AP3B1: variants seen among roughly 807,000 people sequenced by gnomAD.
AP3B1 encodes the protein AP-3 complex subunit beta-1.
A neutral mutation model predicts 132.5 loss-of-function variants in AP3B1; 61 were observed. The observed-to-expected ratio is 0.46, with a 90% CI of 0.37 to 0.57. The LOEUF (loss-of-function observed/expected upper bound fraction) is 0.57, where lower values mean the gene tolerates loss of function less well. Ranked by LOEUF, AP3B1 falls within the 20% of genes least tolerant of loss-of-function variation. AP3B1 has a pLI of 0.00. For missense variants in AP3B1, 1,120 were observed against 1,289.4 expected, an observed-to-expected ratio of 0.87 and a Z score of 2.01; for synonymous variants, 388 against 438.3, an observed-to-expected ratio of 0.89 and a Z score of 1.43.
intron 20 of AP3B1, among the ~76,000 whole-genome samples, chr5:78,109,316 G>A (rs1751474860): frequency 6.6e-6 from 1 of 152,058 alleles, no homozygotes; most frequent in Non-Finnish European, 1.5e-5. Context: ...GGATGGGGGA[G>A]GGCAATTGTC....
intron 6 of AP3B1, among the ~76,000 whole-genome samples, chr5:78,219,355 A>G (rs1746086939): frequency 6.6e-6 from 1 of 152,152 alleles, no homozygotes; most frequent in Non-Finnish European, 1.5e-5. Flanking sequence ...ATTTTAAAGA[A>G]AAACAAGAGA....
rs553707865 is a variant in AP3B1, at chr5:78,161,230, G to A, written c.1363+1589C>T. Among the ~76,000 whole-genome samples, 4 of 151,704 alleles carry A rather than the reference G, an allele frequency of 2.6e-5. No individual in the cohort carries two copies. In the East Asian group the frequency reaches 7.7e-4, roughly 29 times the overall value. The stretch of plus-strand genomic sequence containing the variant: ...TATTTTTTGAGAAATTAAATCTGAA[G>A]CAGAAATAACTGCTTTAAAATCCAA... On this transcript the variant is annotated intron_variant, in intron 13 of 26. Coordinates refer to ENST00000255194, the MANE Select transcript of AP3B1 (RefSeq NM_003664.5).
At chr5:78,087,599 C>G in intron 22 of AP3B1, 1 of 985,298 alleles carries the variant, frequency 1.0e-6, no homozygotes, top group Non-Finnish European at 1.2e-6. Flanking sequence ...GTGTTGTGGT[C>G]CTGCTTCACT....
chr5:78,259,450 T>C (rs1042633495), intron 2 of AP3B1, among the ~76,000 whole-genome samples: 8 of 152,116 alleles, frequency 5.3e-5, no homozygotes, highest in Non-Finnish European at 7.4e-5. Flanking sequence ...AGACCTTCTA[T>C]TTGACAGGAA....
intron 22 of AP3B1, among the ~76,000 whole-genome samples, chr5:78,068,045 C>T (rs917478096): frequency 2.0e-5 from 3 of 151,906 alleles, no homozygotes; most frequent in South Asian, 4.2e-4. Flanking sequence ...AGAAAAGAGG[C>T]CTGGTGTGGT....
downstream of AP3B1, chr5:78,001,303 A>G (rs1746197298): frequency 6.6e-6 from 1 of 152,196 alleles, no homozygotes; most frequent in South Asian, 2.1e-4. Flanking sequence ...AAAGTTATGA[A>G]GCTCTGAGCA....
rs111890376 is a variant in AP3B1, at chr5:78,111,679, G to A, written c.2250-1325C>T. On this transcript the variant is annotated intron_variant, in intron 19 of 26. Transcript: ENST00000255194. ...ACCAAACACCCTTCTCTCAGGGGAT[G>A]ACAAATGCCTTGTGGTGCTTTATAT... Among the ~76,000 whole-genome samples the A allele has an allele frequency of 3.9e-3, 588 of 152,280 alleles. 2 individuals are homozygous for A. Among genetic ancestry groups the A allele is most frequent in the African/African-American group, 0.013 (557 of 41,558 alleles).
At position 78,034,416 on chromosome 5, in the gene AP3B1, C is replaced by G. The variant is rs1270601347; in HGVS notation, c.2839G>C (p.Val947Leu). ...DSLEPEGSIT[V>L]SMGIDFCDST... ...TCACAAAAGTCAATACCCATTGAAA[C>G]TGTAATGGATCCCTCAGGCTCAAGA... The change falls in exon 24 of 27, where the codon GTT becomes CTT. Residue 947 changes from valine to leucine, a missense_variant. This residue lies in a region of AP3B1 where 906 missense variants were observed against 997.1 expected (regional missense o/e 0.91). Transcript: ENST00000255194. 1 of 1,611,608 alleles carries G rather than the reference C, an allele frequency of 6.2e-7. No homozygotes were observed. Among genetic ancestry groups the G allele is most frequent in the Admixed American group, 1.7e-5 (1 of 59,976 alleles).
chr5:78,222,200 C>G (rs1037730045), intron 6 of AP3B1: 1 of 152,534 alleles, frequency 6.6e-6, no homozygotes, highest in East Asian at 1.9e-4. Flanking sequence ...CAGTCAGTCT[C>G]AGGGGATCCA....
At chr5:78,095,992 T>A (rs187338484) in intron 21 of AP3B1, among the ~76,000 whole-genome samples, 90 of 152,328 alleles carry the variant, frequency 5.9e-4, no homozygotes, top group Middle Eastern at 3.4e-3. Context: ...TTGATTTTTT[T>A]AAAAAGCTTG....
At chr5:78,198,407 C>T (rs954188851) in intron 7 of AP3B1, among the ~76,000 whole-genome samples, 3 of 152,098 alleles carry the variant, frequency 2.0e-5, no homozygotes, top group African/African-American at 4.8e-5. Flanking sequence ...CTGAAAAGTC[C>T]AAGATCAAGG....
chr5:78,120,271 G>T (rs1003042077), intron 17 of AP3B1, among the ~76,000 whole-genome samples: 4 of 152,218 alleles, frequency 2.6e-5, no homozygotes, highest in East Asian at 1.9e-4. Flanking sequence ...AGGCTAGGAA[G>T]AAACTGCATC....
At chr5:78,041,403 T>C (rs1748080427) in intron 22 of AP3B1, among the ~76,000 whole-genome samples, 1 of 151,382 alleles carries the variant, frequency 6.6e-6, no homozygotes, top group Non-Finnish European at 1.5e-5. Context: ...AGAGAAAATG[T>C]AAAAAATTAG....
chr5:78,212,189 C>T (rs990635485), intron 7 of AP3B1, among the ~76,000 whole-genome samples: 6 of 151,984 alleles, frequency 3.9e-5, no homozygotes, highest in East Asian at 1.9e-4. Flanking sequence ...TTGAGGCAGA[C>T]GAATCGCTTC....
intron 15 of AP3B1, among the ~76,000 whole-genome samples, chr5:78,139,288 A>G (rs527469235): frequency 6.6e-6 from 1 of 152,290 alleles, no homozygotes; most frequent in East Asian, 1.9e-4. Context: ...ACAGAAAAAA[A>G]TCCTAAGAGT....
intron 1 of AP3B1, among the ~76,000 whole-genome samples, chr5:78,285,949 G>C (rs1749262404): frequency 6.6e-6 from 1 of 152,058 alleles, no homozygotes; most frequent in Non-Finnish European, 1.5e-5. Flanking sequence ...TCCACTCCTA[G>C]TTCAAGAGGC....
At chr5:78,009,720 C>T (rs1406327116) in intron 26 of AP3B1, among the ~76,000 whole-genome samples, 1 of 105,228 alleles carries the variant, frequency 9.5e-6, no homozygotes, top group Non-Finnish European at 1.7e-5. Flanking sequence ...TAAAAGCTTG[C>T]AAATTTAAAA....
chr5:78,038,735 G>A (rs1747913597), intron 23 of AP3B1, among the ~76,000 whole-genome samples: 1 of 152,180 alleles, frequency 6.6e-6, no homozygotes. Flanking sequence ...TGACCAGGAG[G>A]AGAGATGGGG....
intron 15 of AP3B1, 151 bp from the exon 16 acceptor site, chr5:78,129,458 G>C (rs1296125098): frequency 1.3e-6 from 1 of 746,510 alleles, no homozygotes. Context: ...TGCTGCAAAT[G>C]GAATTTTGAA....
Sources: gnomAD v4.1 joint callset for allele counts (sites outside exome capture counted in the v4.1 genomes callset) on GRCh38, gnomAD v4.1.1 for gene constraint, gnomAD v4.1.1 regional missense constraint, MANE v1.5 for transcripts, NCBI Gene and HGNC (gene_info 2026-07-23, HGNC 2026-07-21) for gene names.